The following EEFSEC variants were observed in gnomAD, a reference collection of about 807,000 sequenced individuals.
The protein encoded by EEFSEC is selenocysteine-specific elongation factor.
A neutral mutation model predicts 42.1 loss-of-function variants in EEFSEC; 43 were observed. That is an observed-to-expected ratio of 1.02 (90% CI 0.80 to 1.32). EEFSEC has a LOEUF of 1.32. Ranked by LOEUF, EEFSEC falls within the 40% of genes most tolerant of loss-of-function variation. EEFSEC has a pLI of 0.00. For missense variants in EEFSEC, 745 were observed against 803.6 expected (o/e 0.93, Z 0.88); for synonymous variants, 354 against 339.1 (o/e 1.04, Z -0.48).
chr3:128,320,950 G>A (rs1217024185), intron 4 of EEFSEC, among the ~76,000 whole-genome samples: 1 of 152,228 alleles, frequency 6.6e-6, no homozygotes, highest in African/African-American at 2.4e-5. Flanking sequence ...GACATAACGG[G>A]ACCTACCTCT....
chr3:128,265,058 G>A (rs1181117664), intron 4 of EEFSEC, among the ~76,000 whole-genome samples: 6 of 152,190 alleles, frequency 3.9e-5, no homozygotes, highest in Non-Finnish European at 8.8e-5. Context: ...GGTCTTCTGT[G>A]TAGATAAAGA....
chr3:128,343,659 C>G (rs1163844561), intron 5 of EEFSEC, among the ~76,000 whole-genome samples: 1 of 152,170 alleles, frequency 6.6e-6, no homozygotes, highest in African/African-American at 2.4e-5. Flanking sequence ...TCTAATTGCT[C>G]CCACTCAGGC....
chr3:128,291,873 C>A (rs2107985922), intron 4 of EEFSEC, among the ~76,000 whole-genome samples: 1 of 152,200 alleles, frequency 6.6e-6, no homozygotes, highest in South Asian at 2.1e-4. Context: ...ATGTTAGGGG[C>A]AAAATGTTTA....
chr3:128,354,057 G>C (rs893554862), intron 5 of EEFSEC, among the ~76,000 whole-genome samples: 1 of 152,084 alleles, frequency 6.6e-6, no homozygotes, highest in African/African-American at 2.4e-5. Flanking sequence ...GTCCTCTGTG[G>C]GACTGACACA....
At chr3:128,262,435 A>G (rs1298179654) in intron 3 of EEFSEC, among the ~76,000 whole-genome samples, 1 of 152,142 alleles carries the variant, frequency 6.6e-6, no homozygotes, top group Non-Finnish European at 1.5e-5. Flanking sequence ...GGTTCACTGA[A>G]GCCCATGATT....
intron 6 of EEFSEC, among the ~76,000 whole-genome samples, chr3:128,383,530 C>T (rs147060744): frequency 2.5e-4 from 38 of 152,332 alleles, no homozygotes; most frequent in African/African-American, 5.3e-4. Context: ...TGTGAAGGCA[C>T]GCAGCTGATC....
chr3:128,259,564 G>A (rs2066277041), intron 2 of EEFSEC, among the ~76,000 whole-genome samples: 1 of 152,132 alleles, frequency 6.6e-6, no homozygotes, highest in South Asian at 2.1e-4. Flanking sequence ...AATGTGGAAA[G>A]AATTGTACAG....
At chr3:128,321,318 G>A (rs2067005746) in intron 4 of EEFSEC, among the ~76,000 whole-genome samples, 1 of 152,162 alleles carries the variant, frequency 6.6e-6, no homozygotes, top group Non-Finnish European at 1.5e-5. Context: ...CATGTGCCAG[G>A]CTTACATTTT....
chr3:128,357,892 C>T (rs1017213150), intron 5 of EEFSEC, among the ~76,000 whole-genome samples: 45 of 150,440 alleles, frequency 3.0e-4, no homozygotes, highest in African/African-American at 1.0e-3. Flanking sequence ...AGAACTCTGC[C>T]GTGCCTCCAT....
chr3:128,383,949 A>G (rs2067808216), intron 6 of EEFSEC, among the ~76,000 whole-genome samples: 1 of 152,238 alleles, frequency 6.6e-6, no homozygotes, highest in African/African-American at 2.4e-5. Context: ...TTTCAAGACA[A>G]ACTAGAAGTT....
intron 2 of EEFSEC, among the ~76,000 whole-genome samples, chr3:128,251,566 T>C (rs1331637603): frequency 1.3e-5 from 2 of 152,236 alleles, no homozygotes; most frequent in Admixed American, 1.3e-4. Context: ...CTTTATTTCC[T>C]GAAGTGTTTT....
intron 5 of EEFSEC, among the ~76,000 whole-genome samples, chr3:128,343,365 G>A (rs1005217350): frequency 3.3e-5 from 5 of 151,948 alleles, no homozygotes; most frequent in Admixed American, 1.3e-4. Context: ...TTCTTTTCCT[G>A]CCCCTGTACC....
chr3:128,369,178 C>T (rs1417974923), intron 6 of EEFSEC, among the ~76,000 whole-genome samples: 2 of 152,192 alleles, frequency 1.3e-5, no homozygotes, highest in African/African-American at 4.8e-5. Flanking sequence ...GGACATCACC[C>T]ATGGTTCCAC....
At position 128,220,671 on chromosome 3, in the gene EEFSEC, A is replaced by G. The variant is rs1381893817; in HGVS notation, c.317-26165A>G. ...AACTCACTGTTCTAAGGCCCTGACTATGTGCCTGCCTGAGGGAACCAGTAC... is the reference window on the plus strand; with the variant it reads ...AACTCACTGTTCTAAGGCCCTGACTGTGTGCCTGCCTGAGGGAACCAGTAC... On this transcript the variant is annotated intron_variant, in intron 1 of 6. Coordinates refer to ENST00000254730, the MANE Select transcript of EEFSEC (RefSeq NM_021937.5). 3.9e-5 allele frequency among the ~76,000 whole-genome samples: 6 copies of G among 152,148 alleles called. No homozygotes were observed. The East Asian group carries it at 7.7e-4, about 20-fold the overall frequency.
At chr3:128,237,606 C>T (rs1205395281) in intron 1 of EEFSEC, among the ~76,000 whole-genome samples, 1 of 152,234 alleles carries the variant, frequency 6.6e-6, no homozygotes, top group East Asian at 1.9e-4. Context: ...GCCCTGCTCC[C>T]CTCTCCCAGC....
At position 128,153,841 on chromosome 3, in the gene EEFSEC, C is replaced by A; in HGVS notation, c.316+18C>A. The A allele has an allele frequency of 6.7e-7, 1 of 1,492,970 alleles. No homozygotes were observed. Among genetic ancestry groups the A allele is most frequent in the Non-Finnish European group, 8.9e-7 (1 of 1,129,440 alleles). 92.5% of individuals were successfully genotyped at this position (1,492,970 alleles called of 1,614,324 possible). A position where few individuals can be genotyped will look rare whatever the true frequency, so the allele number is the denominator to read the frequency against. On this transcript the variant is annotated intron_variant, in intron 1 of 6. Coordinates refer to ENST00000254730, the MANE Select transcript of EEFSEC (RefSeq NM_021937.5). ...CATCGGCGGTGAGCGCGGGCCGGGG[C>A]GGGAGCCGGGCTCAGGGACGCGGGC...
At chr3:128,298,525 A>C (rs931847159) in intron 4 of EEFSEC, among the ~76,000 whole-genome samples, 1 of 152,224 alleles carries the variant, frequency 6.6e-6, no homozygotes, top group Non-Finnish European at 1.5e-5. Flanking sequence ...TGCAGTGTGT[A>C]ATGATCAAAT....
chr3:128,248,553 C>G (rs1224839476), intron 2 of EEFSEC, among the ~76,000 whole-genome samples: 1 of 152,232 alleles, frequency 6.6e-6, no homozygotes, highest in African/African-American at 2.4e-5. Flanking sequence ...TTATTCCCAG[C>G]GGAAGTGGAT....
chr3:128,200,342 G>A (rs943594441), intron 1 of EEFSEC, among the ~76,000 whole-genome samples: 1 of 152,038 alleles, frequency 6.6e-6, no homozygotes, highest in Non-Finnish European at 1.5e-5. Context: ...AGGCTGGAGT[G>A]CAATGGCGCG....
Sources: gnomAD v4.1 joint callset for allele counts (sites outside exome capture counted in the v4.1 genomes callset) on GRCh38, gnomAD v4.1.1 for gene constraint, MANE v1.5 for transcripts, NCBI Gene and HGNC (gene_info 2026-07-23, HGNC 2026-07-21) for gene names.